The following NRP2 variants were observed in gnomAD, a reference collection of about 807,000 sequenced individuals.
NRP2 encodes neuropilin-2.
Under a neutral mutation model 110.4 loss-of-function variants are expected in NRP2, and 52 were observed. The ratio of observed to expected loss-of-function variants is 0.47; its 90% CI spans 0.38 to 0.59. The LOEUF (loss-of-function observed/expected upper bound fraction) is 0.59. Among genes scored for constraint, NRP2 ranks in the 20% least tolerant of loss-of-function variants. The pLI, the probability that NRP2 is intolerant of heterozygous loss-of-function variation, is 0.00. For synonymous variants in NRP2, 508 were observed against 468.9 expected (o/e 1.08, Z -1.08); for missense variants, 1,049 against 1,203.0 (o/e 0.87, Z 1.89).
chr2:205,769,940 T>C (rs1471671599), intron 15 of NRP2, among the ~76,000 whole-genome samples: 2 of 152,176 alleles, frequency 1.3e-5, no homozygotes, highest in Non-Finnish European at 2.9e-5. Flanking sequence ...CCAGTAAAAA[T>C]ATATGAAGCC....
intron 1 of NRP2, among the ~76,000 whole-genome samples, chr2:205,694,800 G>A (rs1011595536): frequency 3.3e-5 from 5 of 152,192 alleles, no homozygotes; most frequent in African/African-American, 1.2e-4. Flanking sequence ...AGAAAGGAAA[G>A]ATCAGTTATC....
chr2:205,790,495 A>G lies in NRP2; in HGVS notation c.2426-1740A>G, dbSNP rs552228792. On this transcript the variant is annotated intron_variant, in intron 15 of 16. Coordinates refer to ENST00000357785, the MANE Select transcript of NRP2 (RefSeq NM_003872.3). ...TAAAAGCAAGCATAGGATTTGGCCC[A>G]GAAGTCACTGGCAGGAGCCCCGTGG... Among the ~76,000 whole-genome samples the G allele has an allele frequency of 3.3e-5, 5 of 152,324 alleles. No homozygotes were observed. The East Asian group carries it at 9.7e-4, about 29-fold the overall frequency.
At chr2:205,734,843 C>T (rs897024260) in intron 7 of NRP2, among the ~76,000 whole-genome samples, 3 of 152,190 alleles carry the variant, frequency 2.0e-5, no homozygotes, top group African/African-American at 7.2e-5. Context: ...GGCTCCAGCA[C>T]TGCGCTGTCT....
At chr2:205,733,564 A>G (rs1286010055) in intron 7 of NRP2, among the ~76,000 whole-genome samples, 1 of 151,846 alleles carries the variant, frequency 6.6e-6, no homozygotes, top group East Asian at 1.9e-4. Context: ...GGTCTCTGGA[A>G]CCTCACTCCC....
intron 9 of NRP2, 54 bp from the exon 10 acceptor site, chr2:205,745,692 G>GTGA: frequency 6.2e-7 from 1 of 1,610,444 alleles, no homozygotes; most frequent in East Asian, 2.2e-5. Flanking sequence ...AGGGAAGAAG[G>GTGA]TGATAGGGAC....
rs1249574518 is a variant in NRP2, at chr2:205,797,048, C to T, written c.*1990C>T. The T allele has an allele frequency of 6.6e-6, 1 of 152,638 alleles. No homozygotes were observed. The allele number at this position is 152,638 out of a possible 1,614,324, so 9.5% of individuals were successfully genotyped here. ...TATTCATGTGTGTGTGTCTTTGCTG[C>T]TTTGAGTTCTCTGTATCTACTGTGT... On this transcript the variant is annotated 3_prime_UTR_variant, in exon 17 of 17. Transcript: ENST00000357785.
chr2:205,710,151 C>T (rs1006677522), intron 2 of NRP2, among the ~76,000 whole-genome samples: 1 of 152,220 alleles, frequency 6.6e-6, no homozygotes, highest in East Asian at 1.9e-4. Flanking sequence ...ATTCTTTACA[C>T]CTGGTACCTG....
chr2:205,727,741 A>C, intron 6 of NRP2, 150 bp from the exon 7 acceptor site: 3 of 717,402 alleles, frequency 4.2e-6, no homozygotes, highest in Non-Finnish European at 6.8e-6. Flanking sequence ...GTCCAATGGA[A>C]TTGCAAACTG....
chr2:205,731,180 C>T (rs1006483439), intron 7 of NRP2, among the ~76,000 whole-genome samples: 2 of 152,220 alleles, frequency 1.3e-5, no homozygotes, highest in Admixed American at 6.5e-5. Flanking sequence ...GCAGAGAGCT[C>T]ATCTGCCTGA....
At chr2:205,777,074 G>A (rs2058112012) in intron 15 of NRP2, 1 of 994,840 alleles carries the variant, frequency 1.0e-6, no homozygotes, top group African/African-American at 1.7e-5. Context: ...ACTTCTCCTG[G>A]GGTACATTTT....
chr2:205,753,587 C>G (rs1272464254), intron 12 of NRP2, among the ~76,000 whole-genome samples: 1 of 152,226 alleles, frequency 6.6e-6, no homozygotes, highest in Admixed American at 6.5e-5. Context: ...TCAGAAGCTT[C>G]TCCTGGCACT....
rs970770362 is a variant in NRP2 at position 205,724,080 on chromosome 2, C to T, written c.820+140C>T. 6 of 873,228 alleles carry T rather than the reference C, an allele frequency of 6.9e-6. No homozygotes were observed. In the Admixed American group the frequency reaches 1.3e-4, roughly 19 times the overall value. 54.1% of individuals were successfully genotyped at this position (873,228 alleles called of 1,614,324 possible). A position where few individuals can be genotyped will look rare whatever the true frequency, so the allele number is the denominator to read the frequency against. ...ATGGTGGCATCTGAGTTTAGAGGTG[C>T]CCACATCCTCTTGCCAGGAAGAGGT... is the stretch of plus-strand genomic sequence containing the variant. On this transcript the variant is annotated intron_variant, in intron 5 of 16. Transcript: ENST00000357785.
chr2:205,763,641 T>C lies in NRP2; in HGVS notation c.2045-33T>C. 3 of 1,613,812 alleles carry C rather than the reference T, an allele frequency of 1.9e-6. No homozygotes were observed. Among genetic ancestry groups the C allele is most frequent in the Non-Finnish European group, 2.5e-6 (3 of 1,180,018 alleles). Reference sequence around the variant, plus strand: ...CACTGGTGTCTTTCCCGAGTGTTTATGGAGAACCTCTGTTTGGGTTTGTTT... The same window carrying C: ...CACTGGTGTCTTTCCCGAGTGTTTACGGAGAACCTCTGTTTGGGTTTGTTT... On this transcript the variant is annotated intron_variant, in intron 12 of 16. Transcript: ENST00000357785. This position sits in a 1 kb window ranked among gnomAD's most constrained non-coding sequence, Gnocchi z 4.0.
At chr2:205,730,354 T>TG (rs2057212953) in intron 7 of NRP2, among the ~76,000 whole-genome samples, 2 of 58,006 alleles carry the variant, frequency 3.4e-5, no homozygotes, top group Admixed American at 4.4e-4. Context: ...TTTGATGCCA[T>TG]GGGGGGAGGT....
At chr2:205,785,388 G>GA (rs1020833956) in intron 15 of NRP2, among the ~76,000 whole-genome samples, 83 of 151,708 alleles carry the variant, frequency 5.5e-4, no homozygotes, top group African/African-American at 1.9e-3. Context: ...AGCATCCCAG[G>GA]AAAAAAAATA....
chr2:205,719,710 T>G (rs1216203407), intron 3 of NRP2, among the ~76,000 whole-genome samples: 1 of 152,218 alleles, frequency 6.6e-6, no homozygotes, highest in Non-Finnish European at 1.5e-5. Context: ...ATTCAGGAAC[T>G]GAATTCACCT....
chr2:205,696,197 G>A lies in NRP2; in HGVS notation c.74-1347G>A, dbSNP rs538414895. 4.6e-5 allele frequency among the ~76,000 whole-genome samples: 7 copies of A among 152,296 alleles called. No homozygotes were observed. In the South Asian group the frequency reaches 1.0e-3, roughly 23 times the overall value. ...TTATGCATTTAAAGCCTGTCAGGCC[G>A]GTAGTCTAAAGCAGAGGTCTGGGAG... On this transcript the variant is annotated intron_variant, in intron 1 of 16. Coordinates refer to ENST00000357785, the MANE Select transcript of NRP2 (RefSeq NM_003872.3).
At chr2:205,689,911 G>T (rs996216168) in intron 1 of NRP2, among the ~76,000 whole-genome samples, 2 of 152,112 alleles carry the variant, frequency 1.3e-5, no homozygotes, top group Admixed American at 1.3e-4. Context: ...CCCAGCAAGG[G>T]TCTTAATAAT....
At chr2:205,773,092 T>G (rs1477484878) in intron 15 of NRP2, among the ~76,000 whole-genome samples, 1 of 152,222 alleles carries the variant, frequency 6.6e-6, no homozygotes, top group Non-Finnish European at 1.5e-5. Context: ...GGGTATGGAT[T>G]TAACCCCTAT....
Sources: allele counts gnomAD v4.1 joint callset (sites outside exome capture counted in the v4.1 genomes callset), GRCh38; gene constraint gnomAD v4.1.1; non-coding constraint Gnocchi (gnomAD v3.1); transcripts MANE v1.5; gene names NCBI Gene and HGNC (gene_info 2026-07-23, HGNC 2026-07-21).